The following CTNNA3 variants were observed in gnomAD, a reference collection of about 807,000 sequenced individuals.
CTNNA3 encodes the protein catenin alpha 3, also known as catenin alpha-3.
A neutral mutation model predicts 95.7 loss-of-function variants in CTNNA3; 76 were observed. That is an observed-to-expected ratio of 0.79 (90% CI 0.66 to 0.96). CTNNA3 has a LOEUF of 0.96. Ranked by LOEUF, CTNNA3 falls within the 40% of genes least tolerant of loss-of-function variation. CTNNA3 has a pLI of 0.00. For missense variants in CTNNA3, 1,191 were observed against 1,089.8 expected (o/e 1.09, Z -1.31); for synonymous variants, 431 against 374.4 (o/e 1.15, Z -1.74).
At chr10:67,091,201 T>C (rs916040995) in intron 7 of CTNNA3, among the ~76,000 whole-genome samples, 1 of 152,066 alleles carries the variant, frequency 6.6e-6, no homozygotes, top group African/African-American at 2.4e-5. Context: ...AAGCTAGTTA[T>C]GAAAATCAGC....
chr10:67,391,270 C>A (rs1438028633), intron 5 of CTNNA3, among the ~76,000 whole-genome samples: 1 of 151,810 alleles, frequency 6.6e-6, no homozygotes, highest in Non-Finnish European at 1.5e-5. Context: ...AACAGACAAA[C>A]AGAGACCCAA....
At chr10:67,425,075 T>C (rs1477327820) in intron 5 of CTNNA3, among the ~76,000 whole-genome samples, 2 of 152,108 alleles carry the variant, frequency 1.3e-5, no homozygotes, top group African/African-American at 4.8e-5. Flanking sequence ...AAATGTTAAA[T>C]TGAAATAAAT....
At chr10:67,182,828 C>A (rs539958950) in intron 6 of CTNNA3, among the ~76,000 whole-genome samples, 7 of 151,984 alleles carry the variant, frequency 4.6e-5, no homozygotes, top group East Asian at 1.9e-4. Context: ...CAATGAACTC[C>A]AACACATTTA....
chr10:67,378,293 T>C (rs1843772102), intron 5 of CTNNA3, among the ~76,000 whole-genome samples: 1 of 152,186 alleles, frequency 6.6e-6, no homozygotes. Context: ...AAAAGAGTTG[T>C]CATAATGATA....
rs143396649 is a variant in CTNNA3 at position 67,492,084 on chromosome 10, G to T, written c.579+29758C>A. ...ATTAAAGGCAGTTATTGACTCCGTG[G>T]GTGTATATGATTTTACTCTATAGAG... On this transcript the variant is annotated intron_variant, in intron 5 of 17. Coordinates refer to ENST00000433211, the MANE Select transcript of CTNNA3 (RefSeq NM_013266.4). 5.6e-4 allele frequency among the ~76,000 whole-genome samples: 85 copies of T among 152,070 alleles called. 2 individuals are homozygous for T. In the East Asian group the frequency reaches 0.015, roughly 27 times the overall value.
rs541375642 is a variant in CTNNA3, at chr10:65,917,615, C to T, written c.*2715G>A. The T allele has an allele frequency of 4.7e-4, 71 of 152,062 alleles. No homozygotes were observed. Among genetic ancestry groups the T allele is most frequent in the South Asian group, 2.5e-3 (12 of 4,814 alleles). The allele number at this position is 152,062 out of a possible 1,614,324, so 9.4% of individuals were successfully genotyped here. A position where few individuals can be genotyped will look rare whatever the true frequency, so the allele number is the denominator to read the frequency against. ...TATGTAAATTAACACAAATTGATTT[C>T]GTTAAAAAGAAAGGTGAGTTCTTAT... On this transcript the variant is annotated 3_prime_UTR_variant, in exon 18 of 18. Transcript: ENST00000433211.
chr10:67,255,407 T>A (rs895195131), intron 5 of CTNNA3, among the ~76,000 whole-genome samples: 4 of 152,164 alleles, frequency 2.6e-5, no homozygotes, highest in African/African-American at 9.6e-5. Flanking sequence ...TCAAATAATA[T>A]GCAGAAGGAA....
intron 1 of CTNNA3, among the ~76,000 whole-genome samples, chr10:67,688,176 G>T (rs1338776155): frequency 6.6e-6 from 1 of 152,170 alleles, no homozygotes; most frequent in East Asian, 1.9e-4. Flanking sequence ...CCCCAGATCT[G>T]CCTTGATCTG....
At chr10:67,411,980 C>G (rs189154295) in intron 5 of CTNNA3, among the ~76,000 whole-genome samples, 50 of 152,160 alleles carry the variant, frequency 3.3e-4, no homozygotes, top group Non-Finnish European at 6.2e-4. Context: ...TGCAAAGAAG[C>G]CTTTCTGAGA....
At chr10:67,147,298 T>G (rs1216647528) in intron 7 of CTNNA3, among the ~76,000 whole-genome samples, 2 of 152,196 alleles carry the variant, frequency 1.3e-5, no homozygotes, top group Non-Finnish European at 2.9e-5. Context: ...CTTTTACAAG[T>G]TATTTAACCT....
intron 10 of CTNNA3, among the ~76,000 whole-genome samples, chr10:66,575,156 G>A (rs1589441032): frequency 6.6e-6 from 1 of 152,058 alleles, no homozygotes; most frequent in Non-Finnish European, 1.5e-5. Context: ...CTTTTCTCCG[G>A]AAGAGAGGCA....
intron 7 of CTNNA3, among the ~76,000 whole-genome samples, chr10:67,122,430 C>T (rs80060234): frequency 0.051 from 7,804 of 152,022 alleles, 299 homozygotes; most frequent in Middle Eastern, 0.088. Context: ...ACCAAATGCA[C>T]GCTGAATACA....
chr10:66,228,101 C>T (rs1477971494), intron 13 of CTNNA3, among the ~76,000 whole-genome samples: 1 of 151,966 alleles, frequency 6.6e-6, no homozygotes, highest in Non-Finnish European at 1.5e-5. Context: ...TTTTGATTAT[C>T]TTTCCAAAAC....
At chr10:67,708,805 C>G (rs1342297503) in intron 1 of CTNNA3, among the ~76,000 whole-genome samples, 1 of 152,032 alleles carries the variant, frequency 6.6e-6, no homozygotes, top group African/African-American at 2.4e-5. Flanking sequence ...TTAAAGAGAA[C>G]TGTTTATTTT....
intron 1 of CTNNA3, among the ~76,000 whole-genome samples, chr10:67,671,628 C>A (rs867132382): frequency 2.0e-5 from 3 of 150,966 alleles, no homozygotes; most frequent in African/African-American, 7.4e-5. Flanking sequence ...TTTGTCCTTG[C>A]GATAGTTTGC....
chr10:66,071,315 T>G (rs1022115748), intron 14 of CTNNA3, among the ~76,000 whole-genome samples: 1 of 152,244 alleles, frequency 6.6e-6, no homozygotes, highest in South Asian at 2.1e-4. Context: ...AAAGGCTTTT[T>G]CAATCACTGC....
At chr10:66,518,727 T>C (rs1840950430) in intron 11 of CTNNA3, among the ~76,000 whole-genome samples, 1 of 151,830 alleles carries the variant, frequency 6.6e-6, no homozygotes, top group African/African-American at 2.4e-5. Context: ...CATTTGAAAA[T>C]ATAAATATAT....
At chr10:66,875,564 A>G (rs1050186606) in intron 7 of CTNNA3, among the ~76,000 whole-genome samples, 2 of 152,158 alleles carry the variant, frequency 1.3e-5, no homozygotes, top group Non-Finnish European at 2.9e-5. Flanking sequence ...CAATCTATCA[A>G]TCCAACATCT....
chr10:66,486,742 A>G (rs769232399), intron 11 of CTNNA3, among the ~76,000 whole-genome samples: 3 of 152,088 alleles, frequency 2.0e-5, no homozygotes, highest in Non-Finnish European at 2.9e-5. Context: ...CTGAACTCCC[A>G]TGCTCATTGC....
Sources: allele counts gnomAD v4.1 joint callset (sites outside exome capture counted in the v4.1 genomes callset), GRCh38; gene constraint gnomAD v4.1.1; transcripts MANE v1.5; gene names NCBI Gene and HGNC (gene_info 2026-07-23, HGNC 2026-07-21).